Variants in RASA3 observed in about 807,000 individuals in gnomAD.
RASA3 encodes RAS p21 protein activator 3.
Under a neutral mutation model 110.0 loss-of-function variants are expected in RASA3, and 73 were observed. The ratio of observed to expected loss-of-function variants is 0.66; its 90% CI spans 0.55 to 0.81. The LOEUF (loss-of-function observed/expected upper bound fraction) is 0.81, where lower values mean the gene tolerates loss of function less well. Ranked by LOEUF, RASA3 falls within the 30% of genes least tolerant of loss-of-function variation. The probability of loss-of-function intolerance (pLI) is 0.00; values close to 1 mark genes in which losing one functional copy is unlikely to be tolerated. For missense variants in RASA3, 976 were observed against 1,113.2 expected (o/e 0.88, Z 1.75); for synonymous variants, 500 against 451.4 (o/e 1.11, Z -1.37).
intron 3 of RASA3, among the ~76,000 whole-genome samples, chr13:114,042,998 A>C (rs1339199267): frequency 6.6e-6 from 1 of 152,184 alleles, no homozygotes; most frequent in Non-Finnish European, 1.5e-5. Flanking sequence ...GCGAGGTCCC[A>C]GGACGCATCT....
At chr13:114,066,681 G>A (rs1488583411) in intron 2 of RASA3, among the ~76,000 whole-genome samples, 3 of 152,326 alleles carry the variant, frequency 2.0e-5, no homozygotes, top group Admixed American at 6.5e-5. Flanking sequence ...GTTCCTGTGC[G>A]GCTGAGAGAA....
At chr13:114,042,673 G>A (rs2054438165) in intron 3 of RASA3, among the ~76,000 whole-genome samples, 1 of 152,224 alleles carries the variant, frequency 6.6e-6, no homozygotes, top group Non-Finnish European at 1.5e-5. Flanking sequence ...CCCAGCCCCG[G>A]TTCTCTCTTC....
rs1006442134 is a variant in RASA3 at position 114,112,063 on chromosome 13, G to A, written c.55+20372C>T. 4.0e-5 allele frequency among the ~76,000 whole-genome samples: 6 copies of A among 150,514 alleles called. No individual in the cohort carries two copies. The highest frequency in any genetic ancestry group is 2.1e-4 in the South Asian group (1 of 4,758). ...TTTGTGTGGTCCCGTAAGTGACACT[G>A]TCCCTCCCTCTCCCTGGAAACAGCA... On this transcript the variant is annotated intron_variant, in intron 1 of 23. Transcript: ENST00000334062. This position sits in a 1 kb window ranked among gnomAD's most constrained non-coding sequence, Gnocchi z 4.8.
At chr13:113,990,649 C>T (rs2053086742) in intron 22 of RASA3, among the ~76,000 whole-genome samples, 1 of 152,226 alleles carries the variant, frequency 6.6e-6, no homozygotes, top group African/African-American at 2.4e-5. Flanking sequence ...GCACCTCGCA[C>T]ACTTGCTGGG....
intron 4 of RASA3, among the ~76,000 whole-genome samples, chr13:114,030,277 C>T (rs534016466): frequency 8.5e-5 from 13 of 152,338 alleles, no homozygotes; most frequent in African/African-American, 2.4e-4. Flanking sequence ...AGCTGTCTCC[C>T]AAGCAGGGGC....
chr13:114,024,287 G>T lies in RASA3; in HGVS notation c.672C>A (p.Leu224=). ...FDFEEEDVDK[L]EIRVDLWNAS... is the part of the protein sequence containing the mutation. ...GAGCCTGGTTTTCTCACCTGATTTC[G>T]AGCTTGTCCACGTCTTCCTCCTCAA... Residue 224 remains leucine, a synonymous_variant, in exon 8 of 24, where the codon CTC becomes CTA. Coordinates refer to ENST00000334062, the MANE Select transcript of RASA3 (RefSeq NM_007368.4). 6.2e-7 allele frequency: 1 copy of T among 1,613,810 alleles called. No individual in the cohort carries two copies. The highest frequency in any genetic ancestry group is 2.2e-5 in the East Asian group (1 of 44,890).
intron 2 of RASA3, among the ~76,000 whole-genome samples, chr13:114,060,636 C>T (rs1011872699): frequency 6.6e-6 from 1 of 152,256 alleles, no homozygotes; most frequent in Admixed American, 6.5e-5. Flanking sequence ...GGACCGGACA[C>T]GCCCCGTTCC....
At chr13:113,998,825 A>AG (rs1276109001) in intron 20 of RASA3, among the ~76,000 whole-genome samples, 1 of 152,226 alleles carries the variant, frequency 6.6e-6, no homozygotes, top group Non-Finnish European at 1.5e-5. Flanking sequence ...GGCCAGACGG[A>AG]GGGGGCAGCA....
At chr13:114,121,627 GTC>G (rs1057045955) in intron 1 of RASA3, among the ~76,000 whole-genome samples, 2 of 152,314 alleles carry the variant, frequency 1.3e-5, no homozygotes, top group Non-Finnish European at 2.9e-5. Context: ...CTGAACCTCT[GTC>G]TCTCAGGCAC....
chr13:113,995,743 GGGGCCCGGCT>G (rs2053224718), intron 21 of RASA3, among the ~76,000 whole-genome samples: 2 of 78,680 alleles, frequency 2.5e-5, no homozygotes, highest in Non-Finnish European at 2.5e-5. Context: ...CCGGCTGACG[GGGGCCCGGCT>G]GACGGGGGCC....
intron 1 of RASA3, among the ~76,000 whole-genome samples, chr13:114,117,331 G>T (rs369497376): frequency 8.0e-6 from 1 of 125,618 alleles, no homozygotes; most frequent in East Asian, 2.7e-4. Flanking sequence ...TGTGACAGAT[G>T]CATGTGTGTG....
intron 3 of RASA3, among the ~76,000 whole-genome samples, chr13:114,044,521 C>G (rs1411558802): frequency 1.9e-5 from 1 of 52,154 alleles, no homozygotes. Flanking sequence ...CCCCCGCCGC[C>G]TCACTCGCTG....
chr13:114,010,348 G>T (rs1159755690), intron 16 of RASA3, among the ~76,000 whole-genome samples: 1 of 151,968 alleles, frequency 6.6e-6, no homozygotes, highest in East Asian at 2.0e-4. Flanking sequence ...GGGCCCGAAG[G>T]CATCGAACTG....
chr13:114,050,435 C>T (rs2079125267), intron 3 of RASA3, among the ~76,000 whole-genome samples: 1 of 152,264 alleles, frequency 6.6e-6, no homozygotes, highest in Admixed American at 6.5e-5. Context: ...ATTTTCTAAA[C>T]AAACTCTGGA....
intron 16 of RASA3, among the ~76,000 whole-genome samples, chr13:114,010,698 G>A (rs1338559058): frequency 2.1e-4 from 1 of 4,856 alleles, no homozygotes; most frequent in African/African-American, 8.7e-4. Flanking sequence ...GGAGGGGGCT[G>A]CATGGGGAGG....
chr13:113,980,916 G>C (rs1247321418), intron 23 of RASA3, among the ~76,000 whole-genome samples: 1 of 152,182 alleles, frequency 6.6e-6, no homozygotes, highest in Non-Finnish European at 1.5e-5. Context: ...GAGGACCAAA[G>C]AGAGGAGTGA....
intron 1 of RASA3, among the ~76,000 whole-genome samples, chr13:114,119,548 C>T (rs189522454): frequency 9.9e-4 from 116 of 116,616 alleles, no homozygotes; most frequent in African/African-American, 3.7e-3. Flanking sequence ...AGGCGTCGAT[C>T]AGGGCCCCTC....
chr13:114,130,527 G>A (rs1369264340), intron 1 of RASA3, among the ~76,000 whole-genome samples: 1 of 152,210 alleles, frequency 6.6e-6, no homozygotes, highest in Non-Finnish European at 1.5e-5. Context: ...ATCCTCCAGG[G>A]TGCCTGACCC....
chr13:114,125,954 A>C (rs2080442882), intron 1 of RASA3, among the ~76,000 whole-genome samples: 1 of 72,936 alleles, frequency 1.4e-5, no homozygotes, highest in East Asian at 3.5e-4. Context: ...CCAACCTCGC[A>C]CCCTCCAGAG....
Sources: gnomAD v4.1 joint callset for allele counts (sites outside exome capture counted in the v4.1 genomes callset) on GRCh38, gnomAD v4.1.1 for gene constraint, Gnocchi (gnomAD v3.1) non-coding constraint, MANE v1.5 for transcripts, NCBI Gene and HGNC (gene_info 2026-07-23, HGNC 2026-07-21) for gene names.